The following SLC22A6 variants were observed in gnomAD, a reference collection of about 807,000 sequenced individuals.
SLC22A6 encodes the protein PAH transporter.
In SLC22A6, 45 loss-of-function variants were observed where a neutral mutation model predicts 56.7. That is an observed-to-expected ratio of 0.79 (90% CI 0.63 to 1.02). The LOEUF is 1.02. Among genes scored for constraint, SLC22A6 ranks in the 50% least tolerant of loss-of-function variants. SLC22A6 has a pLI of 0.00. For missense variants in SLC22A6, 606 were observed against 713.8 expected (o/e 0.85, Z 1.72); for synonymous variants, 291 against 295.9 (o/e 0.98, Z 0.17).
At chr11:62,981,406 G>C in intron 4 of SLC22A6, 23 bp from the exon 5 acceptor site, 2 of 1,334,090 alleles carry the variant, frequency 1.5e-6, no homozygotes, top group Non-Finnish European at 2.0e-6. Flanking sequence ...GTGGGGGTGG[G>C]TGTCAGCATG....
Position 62,981,933 on chromosome 11 carries a change from G to A in SLC22A6, c.706C>T (p.Leu236Phe), listed in dbSNP as rs1357393547. The change falls in exon 4 of 10, where the codon CTC becomes TTC. Residue 236 changes from leucine (L) to phenylalanine (F), a missense_variant. Leu to Phe is a conservative substitution (Grantham distance 22). Coordinates refer to ENST00000360421, the MANE Select transcript of SLC22A6 (RefSeq NM_153276.3). ...ACAGCGTAGGCCACACCAGCCAGGAGGAACTGGCCCAGGCTGTAGACATAG... is the reference window on the plus strand; with the variant it reads ...ACAGCGTAGGCCACACCAGCCAGGAAGAACTGGCCCAGGCTGTAGACATAG... ...IGYVYSLGQFLLAGVAYAVPH... is the reference protein window; with the variant it reads ...IGYVYSLGQFFLAGVAYAVPH... 3.1e-6 allele frequency: 5 copies of A among 1,614,168 alleles called. No individual in the cohort carries two copies. The East Asian group carries it at 6.7e-5, about 22-fold the overall frequency.
chr11:62,984,276 C>T (rs1337160840), intron 1 of SLC22A6, 46 bp downstream of exon 1: 23 of 1,578,970 alleles, frequency 1.5e-5, no homozygotes, highest in African/African-American at 6.9e-5. Flanking sequence ...ACAAAGGCCC[C>T]CATCTTCCCA....
At position 62,976,862 on chromosome 11, in the gene SLC22A6, G is replaced by C. The variant is rs2086194397; in HGVS notation, c.1585C>G (p.Gln529Glu). Residue 529 changes from glutamine to glutamate, a missense_variant, in exon 10 of 10, where the codon CAG (glutamine) becomes GAG (glutamate). Transcript: ENST00000360421. ...LESRKGKQTR[Q>E]QQEHQKYMVP... is the part of the protein sequence containing the mutation. The stretch of plus-strand genomic sequence containing the variant: ...ATATACTTCTGGTGCTCTTGTTGCT[G>C]TCGCGTCTGTTTCCCTTTCCTGCAG... 3 of 1,613,940 alleles carry C rather than the reference G, an allele frequency of 1.9e-6. No homozygotes were observed. The highest frequency in any genetic ancestry group is 2.5e-6 in the Non-Finnish European group (3 of 1,180,016).
intron 6 of SLC22A6, among the ~76,000 whole-genome samples, chr11:62,980,463 T>A (rs1310775657): frequency 2.0e-5 from 3 of 152,368 alleles, no homozygotes; most frequent in East Asian, 3.9e-4. Flanking sequence ...TTGGCAGGAT[T>A]GTTCCTTCTG....
At position 62,983,984 on chromosome 11, in the gene SLC22A6, C is replaced by T; in HGVS notation, c.433G>A (p.Val145Met). The stretch of plus-strand genomic sequence containing the variant: ...CCGAACACCATGGCTCCGAGCAGCA[C>T]CCCCACCATGTACAAGGACTGGGCC... ...QLAQSLYMVGVLLGAMVFGYL... is the reference protein window; with the variant it reads ...QLAQSLYMVGMLLGAMVFGYL... The change falls in exon 2 of 10, where the codon GTG (valine) becomes ATG (methionine). Residue 145 changes from valine (V) to methionine (M), a missense_variant. Coordinates refer to ENST00000360421, the MANE Select transcript of SLC22A6 (RefSeq NM_153276.3). The surrounding 1 kb of genome is among the most constrained non-coding windows in gnomAD (Gnocchi z 4.5). 6.2e-7 allele frequency: 1 copy of T among 1,613,798 alleles called. No homozygotes were observed. The highest frequency in any genetic ancestry group is 8.5e-7 in the Non-Finnish European group (1 of 1,179,794).
At position 62,979,594 on chromosome 11, in the gene SLC22A6, G is replaced by T. The variant is rs1015813255; in HGVS notation, c.1255C>A (p.Gln419Lys). The part of the protein sequence containing the change: ...ILLNGVIPQD[Q>K]SIVRTSLAVL... ...GCAAGAGAGGTTCGGACAATGGACT[G>T]GTCTAGAGAGAAAGAAGGGGGGATA... Residue 419 changes from glutamine (Q) to lysine (K), a missense_variant and splice_region_variant, in exon 8 of 10, where the codon CAG becomes AAG. Gln to Lys is a moderately conservative substitution (Grantham distance 53). Coordinates refer to ENST00000360421, the MANE Select transcript of SLC22A6 (RefSeq NM_153276.3). The T allele has an allele frequency of 1.9e-6, 3 of 1,613,162 alleles. No homozygotes were observed. Among genetic ancestry groups the T allele is most frequent in the Admixed American group, 1.7e-5 (1 of 60,012 alleles).
chr11:62,979,822 G>A lies in SLC22A6; in HGVS notation c.1164C>T (p.Val388=), dbSNP rs1429660097. ...DLPAKLVGFL[V]INSLGRRPAQ... ...CAGGCCGGCGACCCAGGGAGTTGAT[G>A]ACAAGGAAGCCCACAAGCTTGGCAG... The change falls in exon 7 of 10, where the codon GTC becomes GTT. Residue 388 remains valine (V), a synonymous_variant. Coordinates refer to ENST00000360421, the MANE Select transcript of SLC22A6 (RefSeq NM_153276.3). The A allele has an allele frequency of 1.2e-6, 2 of 1,614,206 alleles. No individual in the cohort carries two copies. Among genetic ancestry groups the A allele is most frequent in the Non-Finnish European group, 8.5e-7 (1 of 1,180,022 alleles).
intron 5 of SLC22A6, 37 bp from the exon 6 acceptor site, chr11:62,981,137 C>T: frequency 6.2e-7 from 1 of 1,607,910 alleles, no homozygotes; most frequent in Non-Finnish European, 8.5e-7. Context: ...CCGGGATCCT[C>T]CCAAGGAGCT....
intron 1 of SLC22A6, 22 bp from the exon 2 acceptor site, chr11:62,984,069 T>C (rs2086288000): frequency 6.5e-7 from 1 of 1,544,716 alleles, no homozygotes; most frequent in Admixed American, 1.7e-5. Context: ...GGAGCAAGGG[T>C]CAGGCAGAGA....
chr11:62,983,429 A>T lies in SLC22A6; in HGVS notation c.628+108T>A. 8.8e-7 allele frequency: 1 copy of T among 1,132,870 alleles called. No individual in the cohort carries two copies. The highest frequency in any genetic ancestry group is 1.3e-6 in the Non-Finnish European group (1 of 790,604). The allele number at this position is 1,132,870 out of a possible 1,614,324, so 70.2% of individuals were successfully genotyped here. A position where few individuals can be genotyped will look rare whatever the true frequency, so the allele number is the denominator to read the frequency against. On this transcript the variant is annotated intron_variant, in intron 3 of 9. Coordinates refer to ENST00000360421, the MANE Select transcript of SLC22A6 (RefSeq NM_153276.3). This position sits in a 1 kb window ranked among gnomAD's most constrained non-coding sequence, Gnocchi z 4.5. ...TTGGCAGGAAGGTGAGACCCGAGAGAGGCTGGAGGGCAGGCAGGGCTCAGG... is the reference window on the plus strand; with the variant it reads ...TTGGCAGGAAGGTGAGACCCGAGAGTGGCTGGAGGGCAGGCAGGGCTCAGG...
At chr11:62,982,894 C>T (rs1388260744) in intron 3 of SLC22A6, among the ~76,000 whole-genome samples, 1 of 152,160 alleles carries the variant, frequency 6.6e-6, no homozygotes, top group Non-Finnish European at 1.5e-5. Context: ...TATGACAGCC[C>T]TAGGATCTCC....
At position 62,981,366 on chromosome 11, in the gene SLC22A6, GCCGACTCAATGAAGAACCT is replaced by G; in HGVS notation, c.798-2_814del. On this transcript the variant is annotated splice_acceptor_variant and coding_sequence_variant, in exon 5 of 10. Coordinates refer to ENST00000360421, the MANE Select transcript of SLC22A6 (RefSeq NM_153276.3). LOFTEE classifies it high-confidence loss of function. ...CCTCCCGGAGGAGGAGTGCCAGCGG[GCCGACTCAATGAAGAACCT>G]GGGAGCGGGGGTGGGGGTGGGTGTC... is the stretch of plus-strand genomic sequence containing the variant. The G allele has an allele frequency of 6.9e-7, 1 of 1,457,158 alleles. No homozygotes were observed. The highest frequency in any genetic ancestry group is 9.2e-7 in the Non-Finnish European group (1 of 1,086,728). 90.3% of individuals were successfully genotyped at this position (1,457,158 alleles called of 1,614,324 possible). A position where few individuals can be genotyped will look rare whatever the true frequency, so the allele number is the denominator to read the frequency against.
chr11:62,984,244 A>G, intron 1 of SLC22A6, 78 bp downstream of exon 1: 1 of 1,409,180 alleles, frequency 7.1e-7, no homozygotes, highest in Non-Finnish European at 9.7e-7. Context: ...TAATTTCTCC[A>G]TGTACTTTTT....
At position 62,983,908 on chromosome 11, in the gene SLC22A6, G is replaced by T; in HGVS notation, c.473+36C>A. On this transcript the variant is annotated intron_variant, in intron 2 of 9. Coordinates refer to ENST00000360421, the MANE Select transcript of SLC22A6 (RefSeq NM_153276.3). This position sits in a 1 kb window ranked among gnomAD's most constrained non-coding sequence, Gnocchi z 4.5. ...GAGCCCAGCTGAGCCCCTAATCCCA[G>T]CCCAGCCCAGCCCCTTGACCCTACC... is the stretch of plus-strand genomic sequence containing the variant. The T allele has an allele frequency of 1.4e-6, 2 of 1,461,704 alleles. No homozygotes were observed. The highest frequency in any genetic ancestry group is 1.4e-5 in the African/African-American group (1 of 71,386). 90.5% of individuals were successfully genotyped at this position (1,461,704 alleles called of 1,614,324 possible).
chr11:62,981,795 CCT>C (rs2086258258), intron 4 of SLC22A6, 45 bp downstream of exon 4: 1 of 1,545,228 alleles, frequency 6.5e-7, no homozygotes, highest in Non-Finnish European at 8.7e-7. Context: ...TCCCTTGCAG[CCT>C]CTGGGCTCCT....
chr11:62,984,296 CT>C lies in SLC22A6; in HGVS notation c.369+25del, dbSNP rs760912064. On this transcript the variant is annotated intron_variant, in intron 1 of 9. Coordinates refer to ENST00000360421, the MANE Select transcript of SLC22A6 (RefSeq NM_153276.3). Reference sequence around the variant, plus strand: ...GGCCCCCATCTTCCCATCTTGGCCCCTGGATGGGGAGCCCCAGGTGCTCACC... The same window carrying C: ...GGCCCCCATCTTCCCATCTTGGCCCCGGATGGGGAGCCCCAGGTGCTCACC... 3 of 1,609,026 alleles carry C rather than the reference CT, an allele frequency of 1.9e-6. No homozygotes were observed. The Admixed American group carries it at 5.1e-5, about 27-fold the overall frequency.
rs769299835 is a variant in SLC22A6, at chr11:62,983,961, G to A, written c.456C>T (p.Phe152=). The change falls in exon 2 of 10, where the codon TTC becomes TTT. Residue 152 remains phenylalanine (F), a synonymous_variant. Coordinates refer to ENST00000360421, the MANE Select transcript of SLC22A6 (RefSeq NM_153276.3). This position sits in a 1 kb window ranked among gnomAD's most constrained non-coding sequence, Gnocchi z 4.5. ...GGACTGACCTGTCTGCAAGGTAGCC[G>A]AACACCATGGCTCCGAGCAGCACCC... ...MVGVLLGAMV[F]GYLADRLGRR... The A allele has an allele frequency of 8.7e-6, 14 of 1,612,648 alleles. No individual in the cohort carries two copies. Among genetic ancestry groups the A allele is most frequent in the African/African-American group, 2.7e-5 (2 of 74,812 alleles).
intron 5 of SLC22A6, 52 bp from the exon 6 acceptor site, chr11:62,981,152 C>G (rs2086249276): frequency 1.2e-6 from 2 of 1,604,318 alleles, no homozygotes; most frequent in Admixed American, 1.7e-5. Flanking sequence ...GGAGCTCCTC[C>G]CAGCCTAATC....
intron 5 of SLC22A6, 57 bp downstream of exon 5, chr11:62,981,203 T>C (rs1213590756): frequency 1.9e-6 from 3 of 1,606,252 alleles, no homozygotes; most frequent in African/African-American, 2.7e-5. Flanking sequence ...GTCCTGGGTT[T>C]GGGGTTTGGG....
Sources: allele counts gnomAD v4.1 joint callset (sites outside exome capture counted in the v4.1 genomes callset), GRCh38; gene constraint gnomAD v4.1.1; non-coding constraint Gnocchi (gnomAD v3.1); transcripts MANE v1.5; gene names NCBI Gene and HGNC (gene_info 2026-07-23, HGNC 2026-07-21).